Variants in PDZRN3 observed in about 807,000 individuals in gnomAD.
PDZRN3 encodes the protein E3 ubiquitin-protein ligase PDZRN3.
A neutral mutation model predicts 85.7 loss-of-function variants in PDZRN3; 38 were observed. The ratio of observed to expected loss-of-function variants is 0.44; its 90% CI spans 0.34 to 0.58. PDZRN3 has a LOEUF of 0.58. Among genes scored for constraint, PDZRN3 ranks in the 20% least tolerant of loss-of-function variants. The pLI, the probability that PDZRN3 is intolerant of heterozygous loss-of-function variation, is 0.01. For synonymous variants in PDZRN3, 759 were observed against 638.0 expected (o/e 1.19, Z -2.86); for missense variants, 1,629 against 1,506.4 (o/e 1.08, Z -1.35).
chr3:73,600,092 G>A (rs572737257), intron 3 of PDZRN3, among the ~76,000 whole-genome samples: 1 of 152,170 alleles, frequency 6.6e-6, no homozygotes, highest in Non-Finnish European at 1.5e-5. Context: ...ATGTGGGTAA[G>A]AGCCGCTGCT....
intron 3 of PDZRN3, among the ~76,000 whole-genome samples, chr3:73,419,823 T>A (rs574036271): frequency 6.6e-6 from 1 of 152,364 alleles, no homozygotes; most frequent in African/African-American, 2.4e-5. Context: ...ATAGGCTATC[T>A]TTTGTTGATA....
Position 73,575,209 on chromosome 3 carries a change from G to A in PDZRN3, c.918+27145C>T, listed in dbSNP as rs1003844045. Among the ~76,000 whole-genome samples the A allele has an allele frequency of 1.4e-4, 21 of 152,316 alleles. 3 individuals carry two copies. Among genetic ancestry groups the A allele is most frequent in the Admixed American group, 1.2e-3 (19 of 15,304 alleles). The stretch of plus-strand genomic sequence containing the variant: ...TTATAATTACACAGGTACTTCTTGA[G>A]AAGTTCACAAATAACTATAGAGCAA... On this transcript the variant is annotated intron_variant, in intron 3 of 9. Coordinates refer to ENST00000263666, the MANE Select transcript of PDZRN3 (RefSeq NM_015009.3).
chr3:73,454,525 C>G (rs1280481380), intron 3 of PDZRN3, among the ~76,000 whole-genome samples: 1 of 152,192 alleles, frequency 6.6e-6, no homozygotes, highest in Non-Finnish European at 1.5e-5. Context: ...GACACGTAAC[C>G]TATCCTGACT....
intron 3 of PDZRN3, among the ~76,000 whole-genome samples, chr3:73,405,926 G>A (rs1701845586): frequency 6.6e-6 from 1 of 152,130 alleles, no homozygotes; most frequent in African/African-American, 2.4e-5. Flanking sequence ...TGGCCCTGTA[G>A]GGACAACAAC....
At chr3:73,410,725 T>C (rs747025785) in intron 3 of PDZRN3, among the ~76,000 whole-genome samples, 32 of 152,262 alleles carry the variant, frequency 2.1e-4, no homozygotes, top group Non-Finnish European at 2.5e-4. Flanking sequence ...TCTTAGAGGT[T>C]AAAAACATAC....
chr3:73,599,656 T>A (rs948021535), intron 3 of PDZRN3, among the ~76,000 whole-genome samples: 5 of 152,262 alleles, frequency 3.3e-5, no homozygotes, highest in African/African-American at 1.2e-4. Context: ...AATGCAACTC[T>A]TGTATAAATC....
At chr3:73,427,574 A>G (rs931827919) in intron 3 of PDZRN3, among the ~76,000 whole-genome samples, 1 of 152,178 alleles carries the variant, frequency 6.6e-6, no homozygotes, top group African/African-American at 2.4e-5. Flanking sequence ...GGTGACAGGA[A>G]CACAGAGAGA....
chr3:73,519,182 T>C (rs1158381937), intron 3 of PDZRN3, among the ~76,000 whole-genome samples: 2 of 152,122 alleles, frequency 1.3e-5, no homozygotes, highest in African/African-American at 4.8e-5. Flanking sequence ...TGGAGTCCCT[T>C]GGGCAGAAAG....
intron 3 of PDZRN3, among the ~76,000 whole-genome samples, chr3:73,493,649 C>T (rs1045915289): frequency 9.2e-5 from 14 of 152,180 alleles, no homozygotes; most frequent in African/African-American, 2.7e-4. Context: ...GCAGCCATCC[C>T]TCCTCTCCTT....
Position 73,537,380 on chromosome 3 carries a change from C to T in PDZRN3, c.918+64974G>A, listed in dbSNP as rs116472359. On this transcript the variant is annotated intron_variant, in intron 3 of 9. Coordinates refer to ENST00000263666, the MANE Select transcript of PDZRN3 (RefSeq NM_015009.3). ...ATTGTGTTAAGCCTCTGAAGTGTTA[C>T]GGTTGTTTGTTACAGCAGTTAACCT... Among the ~76,000 whole-genome samples the T allele has an allele frequency of 6.6e-3, 998 of 152,240 alleles. 9 individuals carry two copies. Among genetic ancestry groups the T allele is most frequent in the African/African-American group, 0.023 (955 of 41,528 alleles).
chr3:73,578,468 C>A (rs1321855748), intron 3 of PDZRN3, among the ~76,000 whole-genome samples: 2 of 152,146 alleles, frequency 1.3e-5, no homozygotes, highest in Non-Finnish European at 2.9e-5. Context: ...CCGCGCCCAG[C>A]CGACCATTCT....
At chr3:73,545,311 T>A (rs1701397741) in intron 3 of PDZRN3, among the ~76,000 whole-genome samples, 1 of 152,194 alleles carries the variant, frequency 6.6e-6, no homozygotes, top group Admixed American at 6.5e-5. Flanking sequence ...AAGGTCATAA[T>A]CTGCGGATCA....
intron 7 of PDZRN3, 179 bp from the exon 8 acceptor site, chr3:73,388,248 C>A: frequency 2.0e-6 from 1 of 498,978 alleles, no homozygotes; most frequent in Non-Finnish European, 3.5e-6. Flanking sequence ...TTGCTCAGAC[C>A]AATGCAGTTT....
At chr3:73,512,235 A>C (rs929774725) in intron 3 of PDZRN3, among the ~76,000 whole-genome samples, 1 of 152,258 alleles carries the variant, frequency 6.6e-6, no homozygotes, top group Non-Finnish European at 1.5e-5. Flanking sequence ...AGCCCATCAC[A>C]GCAGCGAACC....
intron 3 of PDZRN3, among the ~76,000 whole-genome samples, chr3:73,591,746 T>C (rs1246948442): frequency 6.6e-6 from 1 of 152,192 alleles, no homozygotes; most frequent in Non-Finnish European, 1.5e-5. Context: ...TGCTCAGAGA[T>C]AAGAAGTTTC....
At chr3:73,468,236 T>C (rs1465213162) in intron 3 of PDZRN3, among the ~76,000 whole-genome samples, 1 of 152,100 alleles carries the variant, frequency 6.6e-6, no homozygotes, top group Non-Finnish European at 1.5e-5. Flanking sequence ...GAAGCGACCA[T>C]GAGCCAAGAA....
At chr3:73,585,013 G>A (rs984617027) in intron 3 of PDZRN3, among the ~76,000 whole-genome samples, 1 of 152,102 alleles carries the variant, frequency 6.6e-6, no homozygotes, top group Non-Finnish European at 1.5e-5. Context: ...ATTTTAATGT[G>A]AGTCCAGGCT....
In PDZRN3 at chr3:73,573,289, C is replaced by T. The variant is rs116110403; in HGVS notation, c.918+29065G>A. On this transcript the variant is annotated intron_variant, in intron 3 of 9. Coordinates refer to ENST00000263666, the MANE Select transcript of PDZRN3 (RefSeq NM_015009.3). Reference sequence around the variant, plus strand: ...CACCCAGAATCATATGTTCTTGTTACAGACTGTAGCAAGTGACAATCTGCA... The same window carrying T: ...CACCCAGAATCATATGTTCTTGTTATAGACTGTAGCAAGTGACAATCTGCA... 2.1e-3 allele frequency among the ~76,000 whole-genome samples: 313 copies of T among 152,292 alleles called. 2 individuals are homozygous for T. The highest frequency in any genetic ancestry group is 7.2e-3 in the African/African-American group (300 of 41,560).
Position 73,384,488 on chromosome 3 carries a change from C to A in PDZRN3, c.2078G>T (p.Arg693Leu). ...GCTCAGGCACTCCAGCTCGATGCTG[C>A]GCAGCTCTTCGTTCAGCAGCTCCAG... ...KELELLNEELRSIELECLSIV... is the reference protein window; with the variant it reads ...KELELLNEELLSIELECLSIV... Residue 693 changes from arginine to leucine, a missense_variant, in exon 10 of 10, where the codon CGC (arginine) becomes CTC (leucine). Transcript: ENST00000263666. The A allele has an allele frequency of 6.2e-7, 1 of 1,613,500 alleles. No individual in the cohort carries two copies. The highest frequency in any genetic ancestry group is 8.5e-7 in the Non-Finnish European group (1 of 1,180,018).
Sources: allele counts gnomAD v4.1 joint callset (sites outside exome capture counted in the v4.1 genomes callset), GRCh38; gene constraint gnomAD v4.1.1; transcripts MANE v1.5; gene names NCBI Gene and HGNC (gene_info 2026-07-23, HGNC 2026-07-21).